SYNE1: variants seen among roughly 807,000 people sequenced by gnomAD.
SYNE1 encodes the protein nesprin-1.
Under a neutral mutation model 1,111.0 loss-of-function variants are expected in SYNE1, and 616 were observed. The ratio of observed to expected loss-of-function variants is 0.55; its 90% CI spans 0.52 to 0.59. The LOEUF (loss-of-function observed/expected upper bound fraction) is 0.59, where lower values mean the gene tolerates loss of function less well. Among genes scored for constraint, SYNE1 ranks in the 20% least tolerant of loss-of-function variants. SYNE1 has a pLI of 0.00. For synonymous variants in SYNE1, 3,855 were observed against 3,825.8 expected, an observed-to-expected ratio of 1.01 and a Z score of -0.28; for missense variants, 10,006 against 10,417.0, an observed-to-expected ratio of 0.96 and a Z score of 1.72.
chr6:152,174,811 A>G (rs1253485821), intron 130 of SYNE1, among the ~76,000 whole-genome samples: 4 of 152,234 alleles, frequency 2.6e-5, no homozygotes, highest in Non-Finnish European at 5.9e-5. Context: ...ACAATACACA[A>G]AAAGATGCCT....
At chr6:152,628,635 T>C (rs1293687213) in intron 2 of SYNE1, 81 bp from the exon 3 acceptor site, 1 of 347,126 alleles carries the variant, frequency 2.9e-6, no homozygotes, top group Non-Finnish European at 5.3e-6. Context: ...GAAATATTTC[T>C]ATTTAATTTG....
chr6:152,177,367 C>T (rs192405579), intron 129 of SYNE1, among the ~76,000 whole-genome samples: 4 of 152,318 alleles, frequency 2.6e-5, no homozygotes, highest in Admixed American at 1.3e-4. Flanking sequence ...CTCTTACTCT[C>T]TTGCCACAGT....
chr6:152,479,348 G>T (rs1312774989), intron 14 of SYNE1, among the ~76,000 whole-genome samples: 2 of 152,304 alleles, frequency 1.3e-5, no homozygotes, highest in Non-Finnish European at 2.9e-5. Context: ...CTGCAATAAG[G>T]ATGTGTAGCA....
intron 130 of SYNE1, among the ~76,000 whole-genome samples, chr6:152,172,083 T>C (rs1262055003): frequency 1.3e-5 from 2 of 152,140 alleles, no homozygotes; most frequent in African/African-American, 4.8e-5. Flanking sequence ...GGCCACATAT[T>C]ATATGACCTA....
intron 3 of SYNE1, among the ~76,000 whole-genome samples, chr6:152,617,267 GA>G (rs2099658099): frequency 6.6e-6 from 1 of 152,302 alleles, no homozygotes; most frequent in East Asian, 1.9e-4. Flanking sequence ...AAGATGACAT[GA>G]AAATAATTTA....
chr6:152,264,206 C>CAAA (rs56714685), intron 100 of SYNE1, among the ~76,000 whole-genome samples: 3 of 45,898 alleles, frequency 6.5e-5, no homozygotes, highest in African/African-American at 9.0e-5. Context: ...GACTCCATCT[C>CAAA]AAAAAAAAAA....
intron 78 of SYNE1, among the ~76,000 whole-genome samples, chr6:152,328,903 G>A (rs558050015): frequency 6.6e-6 from 1 of 152,260 alleles, no homozygotes; most frequent in South Asian, 2.1e-4. Flanking sequence ...CCACAGAGGG[G>A]GTGAAGAGAT....
At chr6:152,380,723 T>A in intron 56 of SYNE1, 1 of 419,906 alleles carries the variant, frequency 2.4e-6, no homozygotes, top group South Asian at 2.2e-5. Flanking sequence ...AATGGCTGAA[T>A]ACAGTATTAC....
chr6:152,305,167 C>T (rs545138925), intron 91 of SYNE1, among the ~76,000 whole-genome samples: 3 of 152,234 alleles, frequency 2.0e-5, no homozygotes, highest in East Asian at 1.9e-4. Flanking sequence ...GCAGGCTTTC[C>T]GCATCAGGCG....
chr6:152,332,071 T>G (rs2096261294), intron 77 of SYNE1, among the ~76,000 whole-genome samples, 181 bp from the exon 78 acceptor site: 1 of 152,150 alleles, frequency 6.6e-6, no homozygotes, highest in Non-Finnish European at 1.5e-5. Context: ...GCCTCCCAGG[T>G]TCAAGCGATT....
At chr6:152,384,743 G>T (rs1034076496) in intron 55 of SYNE1, among the ~76,000 whole-genome samples, 6 of 152,060 alleles carry the variant, frequency 3.9e-5, no homozygotes, top group Admixed American at 2.6e-4. Flanking sequence ...GCCAGACGTG[G>T]TGGTCAGCAC....
At chr6:152,266,364 T>C (rs1365983442) in intron 100 of SYNE1, among the ~76,000 whole-genome samples, 2 of 152,162 alleles carry the variant, frequency 1.3e-5, no homozygotes, top group Non-Finnish European at 2.9e-5. Context: ...TTTGTCAAAA[T>C]ATTTGTTTGG....
intron 2 of SYNE1, among the ~76,000 whole-genome samples, chr6:152,632,602 G>A (rs148111353): frequency 8.5e-4 from 129 of 152,266 alleles, no homozygotes; most frequent in Middle Eastern, 3.4e-3. Context: ...ACCTATTGGA[G>A]GAGAGTGTGG....
intron 125 of SYNE1, 60 bp from the exon 126 acceptor site, chr6:152,206,422 A>C: frequency 1.3e-6 from 2 of 1,595,792 alleles, no homozygotes. Context: ...CCTTCCCATA[A>C]GGATTTTTAA....
chr6:152,586,160 CTTCTT>C lies in SYNE1; in HGVS notation c.67+42100_67+42104del, dbSNP rs1229490607. ...ATAGAATTAGGTTTCCCTCATAACT[CTTCTT>C]TTGTAGACTTTTTTCTATATACCAT... On this transcript the variant is annotated intron_variant, in intron 3 of 145. Transcript: ENST00000367255. 2.0e-5 allele frequency among the ~76,000 whole-genome samples: 3 copies of C among 152,200 alleles called. No individual in the cohort carries two copies. The East Asian group carries it at 5.8e-4, about 29-fold the overall frequency.
chr6:152,561,256 T>A (rs577191415), intron 3 of SYNE1, among the ~76,000 whole-genome samples: 1 of 152,308 alleles, frequency 6.6e-6, no homozygotes, highest in South Asian at 2.1e-4. Context: ...CAGTTGCATG[T>A]CTATACATAA....
At chr6:152,355,079 A>C in intron 66 of SYNE1, 103 bp from the exon 67 acceptor site, 2 of 1,282,892 alleles carry the variant, frequency 1.6e-6, no homozygotes, top group Non-Finnish European at 2.2e-6. Flanking sequence ...ACTTCTCATT[A>C]GAAAAAAATG....
At chr6:152,476,675 G>A (rs1434565317) in intron 14 of SYNE1, among the ~76,000 whole-genome samples, 1 of 151,940 alleles carries the variant, frequency 6.6e-6, no homozygotes, top group African/African-American at 2.4e-5. Context: ...TTGAGACCAG[G>A]CTGGGCAACA....
At chr6:152,360,933 T>A (rs2096920904) in intron 64 of SYNE1, among the ~76,000 whole-genome samples, 1 of 152,134 alleles carries the variant, frequency 6.6e-6, no homozygotes, top group African/African-American at 2.4e-5. Context: ...TAAAGAAAAT[T>A]AAGCATCTCT....
Sources: gnomAD v4.1 joint callset for allele counts (sites outside exome capture counted in the v4.1 genomes callset) on GRCh38, gnomAD v4.1.1 for gene constraint, MANE v1.5 for transcripts, NCBI Gene and HGNC (gene_info 2026-07-23, HGNC 2026-07-21) for gene names.